PRKAR1B: variants seen among roughly 807,000 people sequenced by gnomAD.
PRKAR1B encodes protein kinase cAMP-dependent type I regulatory subunit beta.
A neutral mutation model predicts 46.5 loss-of-function variants in PRKAR1B; 22 were observed. The ratio of observed to expected loss-of-function variants is 0.47; its 90% confidence interval spans 0.34 to 0.68. PRKAR1B has a LOEUF of 0.68. PRKAR1B is among the 30% of genes least tolerant of loss of function. PRKAR1B has a pLI of 0.01. For missense variants in PRKAR1B, 445 were observed against 535.6 expected (o/e 0.83, Z 1.67); for synonymous variants, 259 against 217.7 (o/e 1.19, Z -1.67).
rs940648445 is a variant in PRKAR1B at position 602,891 on chromosome 7, A to G, written c.549+3302T>C. 6.6e-6 allele frequency among the ~76,000 whole-genome samples: 1 copy of G among 152,148 alleles called. No individual in the cohort carries two copies. The highest frequency in any genetic ancestry group is 1.5e-5 in the Non-Finnish European group (1 of 68,028). On this transcript the variant is annotated intron_variant, in intron 6 of 10. Coordinates refer to ENST00000537384, the MANE Select transcript of PRKAR1B (RefSeq NM_001164760.2). The surrounding 1 kb of genome is among the most constrained non-coding windows in gnomAD (Gnocchi z 6.4). ...GCCTGGGCAAAGGTCACGGCCAGCA[A>G]AGAACACAGCCTGGGTCCTCTGAGT...
At chr7:620,081 T>C (rs2128473383) in intron 4 of PRKAR1B, among the ~76,000 whole-genome samples, 1 of 151,254 alleles carries the variant, frequency 6.6e-6, no homozygotes, top group East Asian at 2.0e-4. Flanking sequence ...CTCAAACTCC[T>C]GGGCTCAAAC....
At chr7:592,247 C>G (rs1379870538) in intron 7 of PRKAR1B, among the ~76,000 whole-genome samples, 1 of 152,244 alleles carries the variant, frequency 6.6e-6, no homozygotes, top group Admixed American at 6.5e-5. Flanking sequence ...GCTGCCGTGG[C>G]CTCACGTGGA....
intron 9 of PRKAR1B, among the ~76,000 whole-genome samples, chr7:555,981 G>A (rs976736000): frequency 1.3e-5 from 2 of 152,184 alleles, no homozygotes; most frequent in African/African-American, 2.4e-5. Context: ...GGTACAAGCC[G>A]TCTTCATCCC....
chr7:723,657 A>G (rs1781151960), intron 1 of PRKAR1B, among the ~76,000 whole-genome samples: 1 of 152,200 alleles, frequency 6.6e-6, no homozygotes, highest in African/African-American at 2.4e-5. Flanking sequence ...CAATCCGTTC[A>G]ACGGAAGCCA....
chr7:553,791 C>T (rs1051678292), intron 9 of PRKAR1B, among the ~76,000 whole-genome samples: 2 of 152,258 alleles, frequency 1.3e-5, no homozygotes, highest in Non-Finnish European at 2.9e-5. Flanking sequence ...CTAGAATCTC[C>T]AGGCACCAAC....
At chr7:614,372 G>A (rs541164379) in intron 4 of PRKAR1B, among the ~76,000 whole-genome samples, 3 of 152,174 alleles carry the variant, frequency 2.0e-5, no homozygotes, top group Non-Finnish European at 4.4e-5. Context: ...CTGAGAGAAC[G>A]CCCCGTTTAC....
intron 4 of PRKAR1B, among the ~76,000 whole-genome samples, chr7:658,364 G>A (rs79478853): frequency 0.086 from 13,036 of 152,190 alleles, 727 homozygotes; most frequent in South Asian, 0.24. Context: ...GAGCCCATGA[G>A]GTGGGGGCTG....
rs570430566 is a variant in PRKAR1B, at chr7:666,714, C to T, written c.440+10515G>A. 4.9e-4 allele frequency among the ~76,000 whole-genome samples: 74 copies of T among 152,302 alleles called. 1 individual carries two copies. The highest frequency in any genetic ancestry group is 1.4e-3 in the Admixed American group (22 of 15,300). Reference sequence around the variant, plus strand: ...TGCTGACTGTGGGTGCTGGGAGGCCCGGAGCGGCCTATTCACCAACTCAGG... The same window carrying T: ...TGCTGACTGTGGGTGCTGGGAGGCCTGGAGCGGCCTATTCACCAACTCAGG... On this transcript the variant is annotated intron_variant, in intron 4 of 10. Coordinates refer to ENST00000537384, the MANE Select transcript of PRKAR1B (RefSeq NM_001164760.2). This position sits in a 1 kb window ranked among gnomAD's most constrained non-coding sequence, Gnocchi z 4.9.
At chr7:669,669 C>T (rs1786115527) in intron 4 of PRKAR1B, among the ~76,000 whole-genome samples, 1 of 151,124 alleles carries the variant, frequency 6.6e-6, no homozygotes, top group South Asian at 2.1e-4. Context: ...GAGGCTGAGG[C>T]AGGAGAATCA....
At chr7:711,208 C>T in intron 2 of PRKAR1B, 121 bp downstream of exon 2, 1 of 1,362,810 alleles carries the variant, frequency 7.3e-7, no homozygotes, top group South Asian at 1.3e-5. Flanking sequence ...TGCAGGACGG[C>T]AGACAGTCTC....
chr7:724,039 T>C (rs1213359748), intron 1 of PRKAR1B, among the ~76,000 whole-genome samples: 1 of 152,160 alleles, frequency 6.6e-6, no homozygotes, highest in Non-Finnish European at 1.5e-5. Flanking sequence ...CATGACCTCA[T>C]CTCACCTCAA....
chr7:642,777 C>T (rs574863725), intron 4 of PRKAR1B, among the ~76,000 whole-genome samples: 1 of 150,596 alleles, frequency 6.6e-6, no homozygotes, highest in Admixed American at 6.6e-5. Context: ...CCCCCTGCCG[C>T]AAGACCCCAG....
At chr7:690,675 T>C (rs1779362438) in intron 2 of PRKAR1B, among the ~76,000 whole-genome samples, 1 of 151,954 alleles carries the variant, frequency 6.6e-6, no homozygotes, top group African/African-American at 2.4e-5. Context: ...ACCACCTAAA[T>C]AAATAACAAG....
chr7:561,931 A>G (rs1460250624), intron 9 of PRKAR1B: 2 of 152,328 alleles, frequency 1.3e-5, no homozygotes, highest in African/African-American at 4.8e-5. Context: ...TTCCTTCTGC[A>G]AACCCAGTTA....
intron 4 of PRKAR1B, among the ~76,000 whole-genome samples, chr7:653,310 G>A (rs1291568492): frequency 6.6e-6 from 1 of 152,170 alleles, no homozygotes; most frequent in Non-Finnish European, 1.5e-5. Flanking sequence ...CAAAGACCCA[G>A]GTTCTGTCCA....
chr7:624,013 C>A (rs964554072), intron 4 of PRKAR1B, among the ~76,000 whole-genome samples: 20 of 152,322 alleles, frequency 1.3e-4, no homozygotes, highest in Admixed American at 3.9e-4. Context: ...CCATGGCGTC[C>A]AGCCCTGGAT....
intron 2 of PRKAR1B, among the ~76,000 whole-genome samples, chr7:687,758 G>T (rs1027841927): frequency 2.0e-5 from 3 of 152,114 alleles, no homozygotes; most frequent in African/African-American, 4.8e-5. Context: ...GTGGTAAACC[G>T]CAGGAGCTAA....
chr7:722,473 G>A (rs1003691613), intron 1 of PRKAR1B, among the ~76,000 whole-genome samples: 1 of 151,750 alleles, frequency 6.6e-6, no homozygotes, highest in Non-Finnish European at 1.5e-5. Flanking sequence ...CTGACCACAG[G>A]TGATCTGCCT....
chr7:563,282 C>A (rs188846749), intron 9 of PRKAR1B, among the ~76,000 whole-genome samples: 3 of 152,362 alleles, frequency 2.0e-5, no homozygotes, highest in African/African-American at 7.2e-5. Context: ...CGCCCCAGGA[C>A]CCCCTCCACG....
Sources: allele counts gnomAD v4.1 joint callset (sites outside exome capture counted in the v4.1 genomes callset), GRCh38; gene constraint gnomAD v4.1.1; non-coding constraint Gnocchi (gnomAD v3.1); transcripts MANE v1.5; gene names NCBI Gene and HGNC (gene_info 2026-07-23, HGNC 2026-07-21).